The following ANTXR2 variants were observed in gnomAD, a reference collection of about 807,000 sequenced individuals.
ANTXR2 encodes the protein anthrax toxin receptor 2.
Under a neutral mutation model 73.7 loss-of-function variants are expected in ANTXR2, and 44 were observed. That is an observed-to-expected ratio of 0.60 (90% CI 0.47 to 0.77). The LOEUF (loss-of-function observed/expected upper bound fraction) is 0.77. ANTXR2 is among the 30% of genes least tolerant of loss of function. The pLI is 0.00. For synonymous variants in ANTXR2, 217 were observed against 205.9 expected, an observed-to-expected ratio of 1.05 and a Z score of -0.46; for missense variants, 604 against 592.5, an observed-to-expected ratio of 1.02 and a Z score of -0.20.
At chr4:79,925,785 A>G (rs1220850042) in intron 16 of ANTXR2, among the ~76,000 whole-genome samples, 1 of 152,148 alleles carries the variant, frequency 6.6e-6, no homozygotes, top group African/African-American at 2.4e-5. Context: ...ATGTTCATCT[A>G]TCTGCTTAAT....
intron 9 of ANTXR2, 93 bp from the exon 10 acceptor site, chr4:80,031,785 C>A: frequency 4.6e-6 from 3 of 649,252 alleles, no homozygotes; most frequent in South Asian, 4.4e-5. Flanking sequence ...AATCAGAGTT[C>A]AAATGTGGAA....
intron 14 of ANTXR2, among the ~76,000 whole-genome samples, chr4:79,978,930 T>A (rs1254353836): frequency 6.6e-6 from 1 of 152,210 alleles, no homozygotes; most frequent in African/African-American, 2.4e-5. Flanking sequence ...TAGTTCTAAG[T>A]AATATAGTGT....
At chr4:80,015,139 G>C (rs552221285) in intron 11 of ANTXR2, among the ~76,000 whole-genome samples, 9 of 152,150 alleles carry the variant, frequency 5.9e-5, no homozygotes, top group Non-Finnish European at 1.0e-4. Flanking sequence ...TTCCAGCCCT[G>C]ATCACTCACG....
chr4:80,071,859 A>AG (rs1264181473), intron 1 of ANTXR2, among the ~76,000 whole-genome samples: 3 of 151,754 alleles, frequency 2.0e-5, no homozygotes, highest in Non-Finnish European at 2.9e-5. Context: ...AAAAAAAAAA[A>AG]GAAGAAGAAG....
At chr4:79,998,680 A>T (rs1730855683) in intron 12 of ANTXR2, among the ~76,000 whole-genome samples, 1 of 152,072 alleles carries the variant, frequency 6.6e-6, no homozygotes, top group South Asian at 2.1e-4. Flanking sequence ...AAAAGACAGG[A>T]TGCTGATGAC....
At chr4:80,011,045 G>T (rs939635939) in intron 11 of ANTXR2, among the ~76,000 whole-genome samples, 2 of 152,054 alleles carry the variant, frequency 1.3e-5, no homozygotes, top group Non-Finnish European at 2.9e-5. Context: ...TACTCGGGAG[G>T]CTGAGGCAGG....
chr4:80,019,471 T>C (rs1398014124), intron 10 of ANTXR2, among the ~76,000 whole-genome samples: 10 of 152,264 alleles, frequency 6.6e-5, no homozygotes, highest in African/African-American at 2.4e-4. Context: ...ACTTATTAAG[T>C]GGACTAATTG....
rs1300637214 is a variant in ANTXR2 at position 79,906,496 on chromosome 4, G to C, written c.*933C>G. The C allele has an allele frequency of 1.3e-5, 2 of 152,588 alleles. No individual in the cohort carries two copies. Among genetic ancestry groups the C allele is most frequent in the Non-Finnish European group, 2.9e-5 (2 of 68,034 alleles). 9.5% of individuals were successfully genotyped at this position (152,588 alleles called of 1,614,324 possible). A position where few individuals can be genotyped will look rare whatever the true frequency, so the allele number is the denominator to read the frequency against. On this transcript the variant is annotated 3_prime_UTR_variant, in exon 17 of 17. Coordinates refer to ENST00000403729, the MANE Select transcript of ANTXR2 (RefSeq NM_058172.6). ...GAGACTTGAAGAAAGAAAAAACCCT[G>C]AGCGGAAGCTTTGTGGTTACTGCTT...
At chr4:80,065,625 T>C (rs562256274) in intron 3 of ANTXR2, among the ~76,000 whole-genome samples, 1 of 152,220 alleles carries the variant, frequency 6.6e-6, no homozygotes, top group Non-Finnish European at 1.5e-5. Flanking sequence ...ACATCATTTT[T>C]TGGCATGTTT....
At chr4:79,991,706 C>T (rs1578136797) in intron 12 of ANTXR2, among the ~76,000 whole-genome samples, 2 of 151,946 alleles carry the variant, frequency 1.3e-5, no homozygotes, top group Admixed American at 6.6e-5. Context: ...AACCTGGATG[C>T]CCATCAATGA....
At chr4:80,004,167 C>T (rs1228459617) in intron 12 of ANTXR2, among the ~76,000 whole-genome samples, 6 of 151,286 alleles carry the variant, frequency 4.0e-5, no homozygotes, top group Non-Finnish European at 5.9e-5. Context: ...CAAAATATTA[C>T]ATGCTGTATG....
chr4:80,072,081 G>A (rs1282063776), intron 1 of ANTXR2, among the ~76,000 whole-genome samples: 1 of 152,160 alleles, frequency 6.6e-6, no homozygotes, highest in Non-Finnish European at 1.5e-5. Flanking sequence ...GGTCGAGGAG[G>A]TGGGTAAGGA....
At chr4:79,988,616 T>C (rs1406898572) in intron 12 of ANTXR2, among the ~76,000 whole-genome samples, 1 of 151,976 alleles carries the variant, frequency 6.6e-6, no homozygotes, top group Non-Finnish European at 1.5e-5. Context: ...ACAAAGATAT[T>C]TGAGACCTAA....
intron 16 of ANTXR2, among the ~76,000 whole-genome samples, chr4:79,920,281 C>G (rs1727543767): frequency 1.3e-5 from 2 of 151,878 alleles, no homozygotes; most frequent in South Asian, 4.1e-4. Context: ...ACATATTATG[C>G]CAAAATGAAA....
In ANTXR2 at chr4:79,907,074, T is replaced by C. The variant is rs1726942562; in HGVS notation, c.*355A>G. The C allele has an allele frequency of 1.1e-5, 3 of 272,842 alleles. No individual in the cohort carries two copies. The South Asian group carries it at 1.8e-4, about 17-fold the overall frequency. 16.9% of individuals were successfully genotyped at this position (272,842 alleles called of 1,614,324 possible). A position where few individuals can be genotyped will look rare whatever the true frequency, so the allele number is the denominator to read the frequency against. On this transcript the variant is annotated 3_prime_UTR_variant, in exon 17 of 17. Transcript: ENST00000403729. ...ATCATGGCTAGTTGTTTTGTGGTCC[T>C]TGTTTTGGTATCATCTTCGTGTTGT...
In ANTXR2 at chr4:80,008,721, T is replaced by C. The variant is rs146905274; in HGVS notation, c.946-105A>G. 4.9e-3 allele frequency: 3,101 copies of C among 633,934 alleles called. 9 individuals are homozygous for C. The highest frequency in any genetic ancestry group is 0.011 in the Middle Eastern group (26 of 2,376). 39.3% of individuals were successfully genotyped at this position (633,934 alleles called of 1,614,324 possible). A position where few individuals can be genotyped will look rare whatever the true frequency, so the allele number is the denominator to read the frequency against. On this transcript the variant is annotated intron_variant, in intron 11 of 16. Coordinates refer to ENST00000403729, the MANE Select transcript of ANTXR2 (RefSeq NM_058172.6). ...ACACCAGAAAATAATTCAGAAAGTA[T>C]AATGTCAAACTAGATTTTAACTATA...
chr4:79,949,682 C>T (rs1728634576), intron 16 of ANTXR2, among the ~76,000 whole-genome samples: 2 of 151,966 alleles, frequency 1.3e-5, no homozygotes, highest in African/African-American at 2.4e-5. Flanking sequence ...CCTTTTTTAA[C>T]CTCCAACATA....
chr4:80,071,720 TG>T, intron 1 of ANTXR2, 66 bp from the exon 2 acceptor site: 1 of 1,348,952 alleles, frequency 7.4e-7, no homozygotes, highest in Non-Finnish European at 1.1e-6. Context: ...CATTTTGAAA[TG>T]GTTCCTTCTT....
At chr4:80,051,433 A>C (rs1381752160) in intron 7 of ANTXR2, among the ~76,000 whole-genome samples, 3 of 151,716 alleles carry the variant, frequency 2.0e-5, no homozygotes, top group Non-Finnish European at 4.4e-5. Flanking sequence ...TAAATGAACT[A>C]ATGAAAGAAT....
Sources: gnomAD v4.1 joint callset for allele counts (sites outside exome capture counted in the v4.1 genomes callset) on GRCh38, gnomAD v4.1.1 for gene constraint, MANE v1.5 for transcripts, NCBI Gene and HGNC (gene_info 2026-07-23, HGNC 2026-07-21) for gene names.